The following RRBP1 variants were observed in gnomAD, a reference collection of about 807,000 sequenced individuals.
RRBP1 encodes ribosome-binding protein 1.
Under a neutral mutation model 165.2 loss-of-function variants are expected in RRBP1, and 94 were observed. The observed-to-expected ratio is 0.57, with a 90% CI of 0.48 to 0.68. The LOEUF is 0.68. Among genes scored for constraint, RRBP1 ranks in the 30% least tolerant of loss-of-function variants. The probability of loss-of-function intolerance (pLI) is 0.00; values close to 1 mark genes in which losing one functional copy is unlikely to be tolerated. For missense variants in RRBP1, 1,676 were observed against 1,763.0 expected (o/e 0.95, Z 0.88); for synonymous variants, 680 against 714.5 (o/e 0.95, Z 0.77).
intron 10 of RRBP1, 29 bp from the exon 11 acceptor site, chr20:17,627,411 C>A: frequency 6.2e-7 from 1 of 1,613,404 alleles, no homozygotes; most frequent in Non-Finnish European, 8.5e-7. Flanking sequence ...GCTCCTTGGT[C>A]TCCAGGAGAC....
chr20:17,677,261 G>A (rs1188238199), intron 2 of RRBP1, among the ~76,000 whole-genome samples: 2 of 152,038 alleles, frequency 1.3e-5, no homozygotes. Context: ...CCTTGCCCAG[G>A]ATAGAGAATT....
chr20:17,625,764 G>C (rs1368025376), intron 11 of RRBP1, among the ~76,000 whole-genome samples, 162 bp from the exon 12 acceptor site: 1 of 152,034 alleles, frequency 6.6e-6, no homozygotes, highest in Non-Finnish European at 1.5e-5. Flanking sequence ...TGAGCTCCCA[G>C]GGAAGCCTGA....
At position 17,651,397 on chromosome 20, in the gene RRBP1, T is replaced by C. The variant is rs548999223; in HGVS notation, c.1912+7199A>G. Among the ~76,000 whole-genome samples, 46 of 152,394 alleles carry C rather than the reference T, an allele frequency of 3.0e-4. No homozygotes were observed. The South Asian group carries it at 3.9e-3, about 13-fold the overall frequency. On this transcript the variant is annotated intron_variant, in intron 3 of 24. Coordinates refer to ENST00000377813, the MANE Select transcript of RRBP1 (RefSeq NM_001365613.2). The stretch of plus-strand genomic sequence containing the variant: ...CAATTACTTATCTAGGACTTTATTT[T>C]GTAGAGACACACAACAGTGTATGTA...
chr20:17,625,379 A>G, intron 12 of RRBP1, 133 bp downstream of exon 12: 1 of 748,188 alleles, frequency 1.3e-6, no homozygotes, highest in Non-Finnish European at 2.2e-6. Flanking sequence ...GGACCCCCAC[A>G]GCACAATGGG....
chr20:17,624,715 G>T, intron 12 of RRBP1, 47 bp from the exon 13 acceptor site: 1 of 1,375,200 alleles, frequency 7.3e-7, no homozygotes, highest in Non-Finnish European at 1.0e-6. Flanking sequence ...CTGGCAGCAC[G>T]GGCTGCCTAA....
intron 2 of RRBP1, among the ~76,000 whole-genome samples, chr20:17,660,840 C>A (rs897472675): frequency 6.6e-6 from 1 of 152,188 alleles, no homozygotes; most frequent in Non-Finnish European, 1.5e-5. Context: ...GCAAGATATT[C>A]CCCACCCAAG....
At chr20:17,625,359 C>G (rs898066075) in intron 12 of RRBP1, among the ~76,000 whole-genome samples, 153 bp downstream of exon 12, 1 of 152,014 alleles carries the variant, frequency 6.6e-6, no homozygotes, top group African/African-American at 2.4e-5. Flanking sequence ...AGAAGCACCC[C>G]CCACACCCTG....
chr20:17,620,686 C>A (rs756896910), intron 17 of RRBP1, 29 bp downstream of exon 17: 1 of 1,560,344 alleles, frequency 6.4e-7, no homozygotes, highest in Admixed American at 1.7e-5. Flanking sequence ...TGCTCCACGG[C>A]GCCGGGAGGC....
intron 22 of RRBP1, 56 bp from the exon 23 acceptor site, chr20:17,615,585 T>C: frequency 6.9e-7 from 1 of 1,440,986 alleles, no homozygotes; most frequent in Non-Finnish European, 9.4e-7. Context: ...GGCTGTGCTG[T>C]CAAGACCCTA....
chr20:17,658,512 T>C (rs1434206123), intron 3 of RRBP1, 84 bp downstream of exon 3: 3 of 1,189,612 alleles, frequency 2.5e-6, no homozygotes, highest in Non-Finnish European at 3.6e-6. Flanking sequence ...AGCTGACTGA[T>C]ACAGGTGGCA....
chr20:17,663,618 AT>A (rs2036812103), intron 2 of RRBP1, among the ~76,000 whole-genome samples: 1 of 152,260 alleles, frequency 6.6e-6, no homozygotes, highest in Non-Finnish European at 1.5e-5. Flanking sequence ...AGAAATCGAA[AT>A]GAAAAACAAC....
At chr20:17,664,485 G>A (rs1479874052) in intron 2 of RRBP1, among the ~76,000 whole-genome samples, 1 of 152,220 alleles carries the variant, frequency 6.6e-6, no homozygotes, top group Non-Finnish European at 1.5e-5. Context: ...AAAAGATGAA[G>A]GCCCCAAGAG....
intron 13 of RRBP1, among the ~76,000 whole-genome samples, chr20:17,622,600 A>C (rs1441364792): frequency 1.3e-5 from 2 of 151,780 alleles, no homozygotes; most frequent in Non-Finnish European, 2.9e-5. Context: ...TGGGTCGGAC[A>C]CCCCCTCAGT....
intron 7 of RRBP1, 110 bp from the exon 8 acceptor site, chr20:17,633,723 G>T: frequency 8.8e-7 from 1 of 1,142,298 alleles, no homozygotes; most frequent in Non-Finnish European, 1.2e-6. Flanking sequence ...AGTTGCCCAA[G>T]TCTTGAAGCC....
intron 2 of RRBP1, among the ~76,000 whole-genome samples, chr20:17,677,622 C>T (rs2037106924): frequency 6.6e-6 from 1 of 152,136 alleles, no homozygotes. Context: ...GGCAGATCAC[C>T]TGAGGTCAGG....
chr20:17,628,905 A>T (rs1439117457), intron 9 of RRBP1, among the ~76,000 whole-genome samples: 1 of 152,254 alleles, frequency 6.6e-6, no homozygotes, highest in Non-Finnish European at 1.5e-5. Context: ...CTCGGTGTTA[A>T]TGGGCACTTT....
intron 3 of RRBP1, among the ~76,000 whole-genome samples, chr20:17,657,494 C>T (rs1460666667): frequency 6.6e-6 from 1 of 151,940 alleles, no homozygotes; most frequent in African/African-American, 2.4e-5. Flanking sequence ...TCCTAAGATA[C>T]CCTTCGTCAA....
intron 6 of RRBP1, 145 bp from the exon 7 acceptor site, chr20:17,635,809 C>T (rs2036236948): frequency 1.4e-6 from 1 of 697,646 alleles, no homozygotes; most frequent in East Asian, 2.7e-5. Context: ...AAGAGGATCC[C>T]ATAAAACAAG....
chr20:17,641,948 A>AG, intron 4 of RRBP1, 29 bp from the exon 5 acceptor site: 1 of 1,603,754 alleles, frequency 6.2e-7, no homozygotes, highest in Non-Finnish European at 8.5e-7. Flanking sequence ...GCGTTAACAG[A>AG]GGGGACAAAT....
Sources: gnomAD v4.1 joint callset for allele counts (sites outside exome capture counted in the v4.1 genomes callset) on GRCh38, gnomAD v4.1.1 for gene constraint, MANE v1.5 for transcripts, NCBI Gene and HGNC (gene_info 2026-07-23, HGNC 2026-07-21) for gene names.